The following FARS2 variants were observed in gnomAD, a reference collection of about 807,000 sequenced individuals.
The protein encoded by FARS2 is phenylalanine--tRNA ligase, mitochondrial.
In FARS2, 40 loss-of-function variants were observed where a neutral mutation model predicts 46.4. The ratio of observed to expected loss-of-function variants is 0.86; its 90% confidence interval spans 0.67 to 1.12. The LOEUF (loss-of-function observed/expected upper bound fraction) is 1.12. FARS2 is among the 50% of genes most tolerant of loss of function. FARS2 has a pLI of 0.00. For missense variants in FARS2, 513 were observed against 567.9 expected (o/e 0.90, Z 0.98); for synonymous variants, 234 against 214.9 (o/e 1.09, Z -0.78).
At chr6:5,483,203 C>T (rs750008351) in intron 4 of FARS2, among the ~76,000 whole-genome samples, 5 of 152,336 alleles carry the variant, frequency 3.3e-5, no homozygotes, top group Admixed American at 1.3e-4. Context: ...CTCACAGTAG[C>T]AATCTCAAAA....
At chr6:5,281,260 A>C (rs1766703816) in intron 1 of FARS2, among the ~76,000 whole-genome samples, 1 of 152,234 alleles carries the variant, frequency 6.6e-6, no homozygotes, top group Non-Finnish European at 1.5e-5. Context: ...GTAAGACTTA[A>C]AAAGATTTAA....
At chr6:5,273,744 C>T (rs1263954368) in intron 1 of FARS2, among the ~76,000 whole-genome samples, 1 of 152,132 alleles carries the variant, frequency 6.6e-6, no homozygotes, top group Non-Finnish European at 1.5e-5. Context: ...AAAATCTTTG[C>T]CCAGACCAAT....
chr6:5,720,419 GTTAA>G (rs1355014648), intron 6 of FARS2, among the ~76,000 whole-genome samples: 3 of 152,182 alleles, frequency 2.0e-5, no homozygotes, highest in African/African-American at 7.2e-5. Context: ...TTTTCCAGAT[GTTAA>G]TTGATCAGTT....
At chr6:5,324,444 T>C (rs1203404215) in intron 1 of FARS2, among the ~76,000 whole-genome samples, 1 of 118,876 alleles carries the variant, frequency 8.4e-6, no homozygotes, top group Non-Finnish European at 1.8e-5. Context: ...GACTATTTGC[T>C]TTTTTTTTTT....
At chr6:5,336,853 T>C (rs1411591387) in intron 1 of FARS2, among the ~76,000 whole-genome samples, 2 of 152,188 alleles carry the variant, frequency 1.3e-5, no homozygotes, top group Admixed American at 6.5e-5. Flanking sequence ...TTGATGTTTG[T>C]AAACATCAGA....
intron 6 of FARS2, among the ~76,000 whole-genome samples, chr6:5,733,293 G>A (rs528822089): frequency 6.6e-6 from 1 of 152,250 alleles, no homozygotes; most frequent in South Asian, 2.1e-4. Context: ...AAGATGAATG[G>A]AATACCCACA....
At chr6:5,432,470 A>T (rs1277809902) in intron 4 of FARS2, among the ~76,000 whole-genome samples, 2 of 126,434 alleles carry the variant, frequency 1.6e-5, no homozygotes, top group Non-Finnish European at 3.2e-5. Flanking sequence ...TATTATATAT[A>T]TTTTTTATAT....
At chr6:5,260,933 C>T, upstream of FARS2, 1 of 1,349,358 alleles carries the variant, frequency 7.4e-7, no homozygotes, top group Admixed American at 3.5e-5. Context: ...GCTTCGGGGG[C>T]GGGCGCAGGC....
rs869067569 is a variant in FARS2 at position 5,341,188 on chromosome 6, GATATATATAT to G, written c.-21-27323_-21-27314del. ...TTTGCCTGCTCTGTGGCCATGGGGAGATATATATATATATATATATATATATATATATATA... is the reference window on the plus strand; with the variant it reads ...TTTGCCTGCTCTGTGGCCATGGGGAGATATATATATATATATATATATATA... On this transcript the variant is annotated intron_variant, in intron 1 of 6. Transcript: ENST00000274680. Among the ~76,000 whole-genome samples, 233 of 34,096 alleles carry G rather than the reference GATATATATAT, an allele frequency of 6.8e-3. 3 individuals are homozygous for G. The highest frequency in any genetic ancestry group is 0.012 in the Admixed American group (23 of 1,992). The allele number at this position is 34,096 out of a possible 152,430, so 22.4% of individuals were successfully genotyped here.
At chr6:5,303,171 T>A (rs1220734392) in intron 1 of FARS2, among the ~76,000 whole-genome samples, 1 of 152,140 alleles carries the variant, frequency 6.6e-6, no homozygotes, top group African/African-American at 2.4e-5. Flanking sequence ...AACCTGTATG[T>A]GAAGCTTCTT....
At chr6:5,309,287 A>G (rs2127545277) in intron 1 of FARS2, among the ~76,000 whole-genome samples, 1 of 152,218 alleles carries the variant, frequency 6.6e-6, no homozygotes, top group East Asian at 1.9e-4. Flanking sequence ...AGATTCAAGG[A>G]GAAGGAGGAC....
intron 6 of FARS2, among the ~76,000 whole-genome samples, chr6:5,693,092 G>A (rs1444475823): frequency 6.6e-6 from 1 of 152,052 alleles, no homozygotes; most frequent in Non-Finnish European, 1.5e-5. Flanking sequence ...AGTTATTATT[G>A]TACTCTTCTG....
intron 6 of FARS2, among the ~76,000 whole-genome samples, chr6:5,639,829 T>G (rs1190049936): frequency 6.6e-6 from 1 of 152,210 alleles, no homozygotes; most frequent in Non-Finnish European, 1.5e-5. Flanking sequence ...TTGCTGCCTG[T>G]CACATCCTGG....
intron 3 of FARS2, among the ~76,000 whole-genome samples, chr6:5,413,035 C>A (rs1762026902): frequency 6.6e-6 from 1 of 152,112 alleles, no homozygotes; most frequent in Non-Finnish European, 1.5e-5. Flanking sequence ...AATAAGACAC[C>A]ACCCTAGGAA....
intron 6 of FARS2, among the ~76,000 whole-genome samples, chr6:5,661,659 G>A (rs1777856924): frequency 6.6e-6 from 1 of 152,200 alleles, no homozygotes; most frequent in South Asian, 2.1e-4. Flanking sequence ...TTTAGCAATA[G>A]GGGTCACTGG....
chr6:5,474,394 G>A (rs1382085622), intron 4 of FARS2, among the ~76,000 whole-genome samples: 1 of 152,164 alleles, frequency 6.6e-6, no homozygotes, highest in Non-Finnish European at 1.5e-5. Context: ...AAGATATACA[G>A]TCATGCATCA....
intron 3 of FARS2, among the ~76,000 whole-genome samples, chr6:5,425,561 A>C (rs1762800600): frequency 6.6e-6 from 1 of 152,166 alleles, no homozygotes; most frequent in South Asian, 2.1e-4. Flanking sequence ...TGGTCTTGCC[A>C]AAGGTGCAGA....
At chr6:5,534,902 G>T (rs1391612311) in intron 4 of FARS2, among the ~76,000 whole-genome samples, 1 of 142,654 alleles carries the variant, frequency 7.0e-6, no homozygotes, top group South Asian at 2.3e-4. Flanking sequence ...ATTGCTGGGT[G>T]ATATGGTCAA....
chr6:5,301,746 T>C (rs1020152916), intron 1 of FARS2, among the ~76,000 whole-genome samples: 3 of 151,820 alleles, frequency 2.0e-5, no homozygotes, highest in Non-Finnish European at 4.4e-5. Flanking sequence ...TCTAGTTTTA[T>C]TGAAAATGAG....
Sources: gnomAD v4.1 joint callset for allele counts (sites outside exome capture counted in the v4.1 genomes callset) on GRCh38, gnomAD v4.1.1 for gene constraint, MANE v1.5 for transcripts, NCBI Gene and HGNC (gene_info 2026-07-23, HGNC 2026-07-21) for gene names.